Variants in DLEU7 observed in about 807,000 individuals in gnomAD.
The protein encoded by DLEU7 is leukemia-associated protein 7.
Under a neutral mutation model 16.0 loss-of-function variants are expected in DLEU7, and 17 were observed. That is an observed-to-expected ratio of 1.06 (90% CI 0.73 to 1.59). The LOEUF is 1.59. DLEU7 is among the 40% of genes most tolerant of loss of function. DLEU7 has a pLI of 0.00. For synonymous variants in DLEU7, 113 were observed against 139.8 expected, an observed-to-expected ratio of 0.81 and a Z score of 1.35; for missense variants, 308 against 314.9, an observed-to-expected ratio of 0.98 and a Z score of 0.17.
intron 1 of DLEU7, among the ~76,000 whole-genome samples, chr13:50,781,861 G>A (rs1056752788): frequency 2.0e-5 from 3 of 152,126 alleles, no homozygotes; most frequent in Admixed American, 6.5e-5. Context: ...AGATGGCTTT[G>A]ATTTTAAGAT....
At chr13:50,716,300 C>G (rs1283287210) in intron 1 of DLEU7, among the ~76,000 whole-genome samples, 1 of 152,196 alleles carries the variant, frequency 6.6e-6, no homozygotes, top group African/African-American at 2.4e-5. Flanking sequence ...AACTCAAGCC[C>G]TTGTTTCATT....
At chr13:50,749,106 C>G (rs929238750) in intron 1 of DLEU7, among the ~76,000 whole-genome samples, 3 of 151,068 alleles carry the variant, frequency 2.0e-5, no homozygotes, top group African/African-American at 7.3e-5. Context: ...GTCCTCATAG[C>G]TTAGCTCCCA....
chr13:50,763,387 G>A (rs1044459816), intron 1 of DLEU7, among the ~76,000 whole-genome samples: 2 of 152,200 alleles, frequency 1.3e-5, no homozygotes, highest in African/African-American at 4.8e-5. Flanking sequence ...CCTATCAGAA[G>A]ACTGCTCTGC....
downstream of DLEU7, among the ~76,000 whole-genome samples, chr13:50,820,106 A>G (rs1876851941): frequency 6.6e-6 from 1 of 152,168 alleles, no homozygotes; most frequent in Non-Finnish European, 1.5e-5. Flanking sequence ...TGATAGATCA[A>G]GTAATATGAG....
At chr13:50,810,606 G>A (rs755385296) in intron 1 of DLEU7, among the ~76,000 whole-genome samples, 5 of 152,088 alleles carry the variant, frequency 3.3e-5, no homozygotes, top group Admixed American at 2.0e-4. Context: ...GGAAATCACC[G>A]CATTAGGGGA....
intron 1 of DLEU7, among the ~76,000 whole-genome samples, chr13:50,763,980 A>T (rs1875023839): frequency 6.6e-6 from 1 of 152,228 alleles, no homozygotes; most frequent in Non-Finnish European, 1.5e-5. Flanking sequence ...AAAGTAAGAG[A>T]CAATATTAAA....
rs78480269 is a variant in DLEU7 at position 50,811,503 on chromosome 13, C to T, written c.459+31685G>A. 2.0e-3 allele frequency among the ~76,000 whole-genome samples: 305 copies of T among 152,232 alleles called. 4 individuals are homozygous for T. The East Asian group carries it at 0.037, about 18-fold the overall frequency. ...TCCCAGAAAGGATTGTGATGATGGG[C>T]ATTTCTGAGAGGGAAGTCTGCTCAC... is the stretch of plus-strand genomic sequence containing the variant. On this transcript the variant is annotated intron_variant, in intron 1 of 1. Transcript: ENST00000400393.
rs1445072761 is a variant in DLEU7, at chr13:50,771,626, A to G, written c.460-58386T>C. On this transcript the variant is annotated intron_variant, in intron 1 of 1. Transcript: ENST00000400393. ...TAGTTTGATTGCACTGTGGTCTGAG[A>G]GACAGTTTGTTGTGATTTCTATTCT... Among the ~76,000 whole-genome samples the G allele has an allele frequency of 2.6e-5, 4 of 152,158 alleles. No homozygotes were observed. The East Asian group carries it at 7.7e-4, about 29-fold the overall frequency.
chr13:50,741,665 T>C (rs935324464), intron 1 of DLEU7, among the ~76,000 whole-genome samples: 1 of 152,016 alleles, frequency 6.6e-6, no homozygotes, highest in Non-Finnish European at 1.5e-5. Flanking sequence ...TAGCTGTTCC[T>C]ACCTTAGCTT....
At chr13:50,810,784 T>C (rs1438189031) in intron 1 of DLEU7, among the ~76,000 whole-genome samples, 3 of 152,184 alleles carry the variant, frequency 2.0e-5, no homozygotes, top group Non-Finnish European at 4.4e-5. Flanking sequence ...GTTGTGAATT[T>C]TTTAGTTTAT....
At position 50,828,048 on chromosome 13, in the gene DLEU7, A is replaced by C. The variant is rs201988821; in HGVS notation, c.460-4528T>G. On this transcript the variant is annotated intron_variant, in intron 1 of 1. Transcript: ENST00000504404. ...TAATAAAATGAATGATTCCCCAAGC[A>C]GATGTCACAATTTTGTACCTGTATG... Among the ~76,000 whole-genome samples, 5 of 152,304 alleles carry C rather than the reference A, an allele frequency of 3.3e-5. No homozygotes were observed. In the East Asian group the frequency reaches 9.7e-4, roughly 29 times the overall value.
intron 1 of DLEU7, among the ~76,000 whole-genome samples, chr13:50,759,089 C>A (rs1009693389): frequency 6.6e-6 from 1 of 152,204 alleles, no homozygotes; most frequent in African/African-American, 2.4e-5. Context: ...AAATTCATTT[C>A]AAACTAGTTC....
rs917816218 is a variant in DLEU7 at position 50,754,249 on chromosome 13, G to A, written c.460-41009C>T. 8.5e-5 allele frequency among the ~76,000 whole-genome samples: 13 copies of A among 152,288 alleles called. No homozygotes were observed. In the East Asian group the frequency reaches 2.5e-3, roughly 29 times the overall value. On this transcript the variant is annotated intron_variant, in intron 1 of 1. Transcript: ENST00000400393. ...TGTTGAGTTTCTGTCTTGACGACCT[G>A]TCTAGTGCTATCAGTGGAGTATTGA...
rs935673430 is a variant in DLEU7 at position 50,843,183 on chromosome 13, C to T, written c.459+5G>A. 1.5e-5 allele frequency: 24 copies of T among 1,589,160 alleles called. No homozygotes were observed. The highest frequency in any genetic ancestry group is 1.9e-5 in the Non-Finnish European group (22 of 1,168,918). ...GCCAGAGGGGATGGCGGGGGCCAGACTCACCTTCAGGTGAATGGGAAAGGA... is the reference window on the plus strand; with the variant it reads ...GCCAGAGGGGATGGCGGGGGCCAGATTCACCTTCAGGTGAATGGGAAAGGA... On this transcript the variant is annotated splice_donor_5th_base_variant and intron_variant, in intron 1 of 1. Transcript: ENST00000504404. The surrounding 1 kb of genome is among the most constrained non-coding windows in gnomAD (Gnocchi z 5.7).
At chr13:50,734,453 T>G (rs1480663502) in intron 1 of DLEU7, among the ~76,000 whole-genome samples, 3 of 152,242 alleles carry the variant, frequency 2.0e-5, no homozygotes, top group Non-Finnish European at 2.9e-5. Flanking sequence ...TTTTTGTTAT[T>G]TCCATTCTGT....
downstream of DLEU7, among the ~76,000 whole-genome samples, chr13:50,820,704 G>T (rs917330928): frequency 6.6e-6 from 1 of 152,056 alleles, no homozygotes; most frequent in Non-Finnish European, 1.5e-5. Flanking sequence ...GGCCAGCAGT[G>T]AATTATCTAG....
intron 1 of DLEU7, among the ~76,000 whole-genome samples, chr13:50,731,937 C>T (rs1314448502): frequency 3.9e-5 from 6 of 152,264 alleles, no homozygotes; most frequent in African/African-American, 1.4e-4. Context: ...TATTAATCTA[C>T]ACATATGTAT....
chr13:50,822,704 C>A (rs188108770), downstream of DLEU7: 28 of 985,246 alleles, frequency 2.8e-5, no homozygotes, highest in African/African-American at 4.9e-4. Context: ...AGCTCACTAT[C>A]ACTTTAAGTT....
At chr13:50,827,907 A>C (rs1241995878) in intron 1 of DLEU7, among the ~76,000 whole-genome samples, 1 of 152,208 alleles carries the variant, frequency 6.6e-6, no homozygotes, top group Non-Finnish European at 1.5e-5. Flanking sequence ...AAACACATTT[A>C]AATCTAAAAC....
Sources: allele counts gnomAD v4.1 joint callset (sites outside exome capture counted in the v4.1 genomes callset), GRCh38; gene constraint gnomAD v4.1.1; non-coding constraint Gnocchi (gnomAD v3.1); transcripts MANE v1.5; gene names NCBI Gene and HGNC (gene_info 2026-07-23, HGNC 2026-07-21).